Variants in DIO1 observed in about 807,000 individuals in gnomAD.
The protein encoded by DIO1 is iodothyronine deiodinase 1.
DIO1 carries 17 observed loss-of-function variants against 25.9 expected under a neutral mutation model. That is an observed-to-expected ratio of 0.66 (90% CI 0.45 to 0.98). The LOEUF is 0.98. Among genes scored for constraint, DIO1 ranks in the 50% least tolerant of loss-of-function variants. DIO1 has a pLI of 0.00. For missense variants in DIO1, 270 were observed against 310.4 expected (o/e 0.87, Z 0.98); for synonymous variants, 115 against 114.0 (o/e 1.01, Z -0.05).
intron 1 of DIO1, among the ~76,000 whole-genome samples, chr1:53,903,506 A>C (rs1651481390): frequency 6.6e-6 from 1 of 151,756 alleles, no homozygotes; most frequent in South Asian, 2.1e-4. Flanking sequence ...ATAGCAACTA[A>C]AAGACACGAT....
chr1:53,904,811 T>C lies in DIO1; in HGVS notation c.481+2T>C, dbSNP rs1651565138. ...ACATTGAAGAAGCACATGCATCAGG[T>C]ACAGAAAGATTCTCTGCCTCTTCTA... On this transcript the variant is annotated splice_donor_variant, in intron 2 of 3. Transcript: ENST00000361921. LOFTEE classifies it high-confidence loss of function. 10 of 1,609,478 alleles carry C rather than the reference T, an allele frequency of 6.2e-6. No homozygotes were observed. The highest frequency in any genetic ancestry group is 8.5e-6 in the Non-Finnish European group (10 of 1,178,158).
chr1:53,904,821 T>G lies in DIO1; in HGVS notation c.481+12T>G, dbSNP rs373695562. On this transcript the variant is annotated intron_variant, in intron 2 of 3. Transcript: ENST00000361921. ...AGCACATGCATCAGGTACAGAAAGATTCTCTGCCTCTTCTACCTCTTCCCA... is the reference window on the plus strand; with the variant it reads ...AGCACATGCATCAGGTACAGAAAGAGTCTCTGCCTCTTCTACCTCTTCCCA... 6.2e-6 allele frequency: 10 copies of G among 1,607,110 alleles called. No individual in the cohort carries two copies. The African/African-American group carries it at 1.3e-4, about 22-fold the overall frequency.
At chr1:53,900,255 C>T (rs1054262320) in intron 1 of DIO1, among the ~76,000 whole-genome samples, 17 of 152,260 alleles carry the variant, frequency 1.1e-4, no homozygotes, top group African/African-American at 4.1e-4. Flanking sequence ...GGACCTATGG[C>T]CTGTGTGTAT....
At chr1:53,900,634 T>G (rs1299338701) in intron 1 of DIO1, among the ~76,000 whole-genome samples, 1 of 152,106 alleles carries the variant, frequency 6.6e-6, no homozygotes, top group African/African-American at 2.4e-5. Flanking sequence ...TTCCATTTAA[T>G]GTGTTAGTAT....
intron 1 of DIO1, among the ~76,000 whole-genome samples, chr1:53,903,432 G>A (rs891465026): frequency 6.6e-6 from 1 of 151,778 alleles, no homozygotes; most frequent in African/African-American, 2.4e-5. Flanking sequence ...CGGTCTCTGG[G>A]GTGCTGGGTA....
chr1:53,905,383 C>T (rs760183277), intron 2 of DIO1, among the ~76,000 whole-genome samples: 7 of 152,014 alleles, frequency 4.6e-5, no homozygotes, highest in Non-Finnish European at 7.4e-5. Context: ...CCATGTTACT[C>T]GGGCTGGTCT....
At chr1:53,899,827 C>T (rs1307263651) in intron 1 of DIO1, among the ~76,000 whole-genome samples, 1 of 152,092 alleles carries the variant, frequency 6.6e-6, no homozygotes, top group East Asian at 1.9e-4. Context: ...ACATGTGTCA[C>T]CACGCCTGGA....
chr1:53,898,744 CAAAAA>C lies in DIO1; in HGVS notation c.337+4212_337+4216del, dbSNP rs60469690. On this transcript the variant is annotated intron_variant, in intron 1 of 3. Coordinates refer to ENST00000361921, the MANE Select transcript of DIO1 (RefSeq NM_000792.7). ...TGGGCAACAAAGCGAGACTCTGTCT[CAAAAA>C]AAAAAAAAAAAAAAGAGACATGTTG... Among the ~76,000 whole-genome samples, 81 of 106,602 alleles carry C rather than the reference CAAAAA, an allele frequency of 7.6e-4. No homozygotes were observed. The South Asian group carries it at 0.018, about 23-fold the overall frequency. The allele number at this position is 106,602 out of a possible 152,430, so 69.9% of individuals were successfully genotyped here.
rs1651880147 is a variant in DIO1, at chr1:53,910,277, A to T, written c.*278A>T. 1 of 429,894 alleles carries T rather than the reference A, an allele frequency of 2.3e-6. No individual in the cohort carries two copies. The highest frequency in any genetic ancestry group is 4.3e-6 in the Non-Finnish European group (1 of 232,232). The allele number at this position is 429,894 out of a possible 1,614,324, so 26.6% of individuals were successfully genotyped here. ...TCCCTGTTGAAGAAAGTAGAGCCTGACACTGCTCCCACTTTGGAGACCACA... is the reference window on the plus strand; with the variant it reads ...TCCCTGTTGAAGAAAGTAGAGCCTGTCACTGCTCCCACTTTGGAGACCACA... On this transcript the variant is annotated 3_prime_UTR_variant, in exon 4 of 4. Coordinates refer to ENST00000361921, the MANE Select transcript of DIO1 (RefSeq NM_000792.7).
rs1245796042 is a variant in DIO1, at chr1:53,894,835, CCT to C, written c.337+293_337+294del. 1.3e-5 allele frequency among the ~76,000 whole-genome samples: 2 copies of C among 152,306 alleles called. No homozygotes were observed. Among genetic ancestry groups the C allele is most frequent in the East Asian group, 3.9e-4 (2 of 5,180 alleles). On this transcript the variant is annotated intron_variant, in intron 1 of 3. Coordinates refer to ENST00000361921, the MANE Select transcript of DIO1 (RefSeq NM_000792.7). This position sits in a 1 kb window ranked among gnomAD's most constrained non-coding sequence, Gnocchi z 4.9. ...ATCTGCCTGGGCTGCTCTTTGCCCA[CCT>C]CTCTGCCTGGTTAACTCTTGTTCAA... is the stretch of plus-strand genomic sequence containing the variant.
intron 1 of DIO1, among the ~76,000 whole-genome samples, chr1:53,898,668 C>G (rs1456509720): frequency 6.7e-6 from 1 of 150,032 alleles, no homozygotes; most frequent in Non-Finnish European, 1.5e-5. Context: ...TTGCTTGAAC[C>G]CGGGAGGTGG....
chr1:53,904,814 A>G lies in DIO1; in HGVS notation c.481+5A>G, dbSNP rs1651565351. ...TTGAAGAAGCACATGCATCAGGTAC[A>G]GAAAGATTCTCTGCCTCTTCTACCT... On this transcript the variant is annotated splice_donor_5th_base_variant and intron_variant, in intron 2 of 3. Coordinates refer to ENST00000361921, the MANE Select transcript of DIO1 (RefSeq NM_000792.7). The G allele has an allele frequency of 6.2e-7, 1 of 1,608,722 alleles. No individual in the cohort carries two copies. The highest frequency in any genetic ancestry group is 1.3e-5 in the African/African-American group (1 of 74,678).
chr1:53,906,163 G>T lies in DIO1; in HGVS notation c.550G>T (p.Ala184Ser), dbSNP rs1326422069. The T allele has an allele frequency of 4.3e-6, 7 of 1,614,210 alleles. No homozygotes were observed. The South Asian group carries it at 7.7e-5, about 18-fold the overall frequency. ...GAACCTTCAGGATCGCCTGCAGGCA[G>T]CCCATCTACTGCTGGCCAGGAGCCC... ...HQNLQDRLQAAHLLLARSPQC... is the reference protein window; with the variant it reads ...HQNLQDRLQASHLLLARSPQC... The change falls in exon 3 of 4, where the codon GCC (alanine) becomes TCC (serine). Residue 184 changes from alanine to serine, a missense_variant. Physicochemically the swap from Ala to Ser is moderately conservative, Grantham distance 99 (BLOSUM62 1). Coordinates refer to ENST00000361921, the MANE Select transcript of DIO1 (RefSeq NM_000792.7).
Position 53,910,071 on chromosome 1 carries a change from G to A in DIO1, c.*72G>A. 1 of 1,411,220 alleles carries A rather than the reference G, an allele frequency of 7.1e-7. No individual in the cohort carries two copies. The highest frequency in any genetic ancestry group is 1.2e-5 in the South Asian group (1 of 86,860). 87.4% of individuals were successfully genotyped at this position (1,411,220 alleles called of 1,614,324 possible). A position where few individuals can be genotyped will look rare whatever the true frequency, so the allele number is the denominator to read the frequency against. ...AAGGCTTAGCTCTCCCTGAGACCCA[G>A]CTGGCTTTTACCCTTGACCTGTGTC... On this transcript the variant is annotated 3_prime_UTR_variant, in exon 4 of 4. Coordinates refer to ENST00000361921, the MANE Select transcript of DIO1 (RefSeq NM_000792.7).
chr1:53,911,080 C>A lies in DIO1; in HGVS notation c.*1081C>A, dbSNP rs1354083194. The A allele has an allele frequency of 2.0e-5, 3 of 152,582 alleles. No individual in the cohort carries two copies. In the East Asian group the frequency reaches 5.8e-4, roughly 29 times the overall value. The allele number at this position is 152,582 out of a possible 1,614,324, so 9.5% of individuals were successfully genotyped here. The stretch of plus-strand genomic sequence containing the variant: ...TAATAACAGAATTATTAAAATATAT[C>A]AGGCTATTTTGGATGGCTTCCGTGT... On this transcript the variant is annotated 3_prime_UTR_variant, in exon 4 of 4. Transcript: ENST00000361921.
chr1:53,910,621 G>T lies in DIO1; in HGVS notation c.*622G>T, dbSNP rs1651900431. 1 of 153,090 alleles carries T rather than the reference G, an allele frequency of 6.5e-6. No homozygotes were observed. The highest frequency in any genetic ancestry group is 6.5e-5 in the Admixed American group (1 of 15,452). The allele number at this position is 153,090 out of a possible 1,614,324, so 9.5% of individuals were successfully genotyped here. ...CTGTCCACATTGGTGGTGATGATGGGTGAGTTTCCATGGTAACACATCCCT... is the reference window on the plus strand; with the variant it reads ...CTGTCCACATTGGTGGTGATGATGGTTGAGTTTCCATGGTAACACATCCCT... On this transcript the variant is annotated 3_prime_UTR_variant, in exon 4 of 4. Transcript: ENST00000361921.
chr1:53,902,929 G>A (rs1432990891), intron 1 of DIO1: 1 of 151,694 alleles, frequency 6.6e-6, no homozygotes, highest in Non-Finnish European at 1.5e-5. Context: ...CATTTTGTAA[G>A]TGAAACCCTA....
chr1:53,895,283 C>T (rs918569080), intron 1 of DIO1, among the ~76,000 whole-genome samples: 9 of 152,112 alleles, frequency 5.9e-5, no homozygotes, highest in East Asian at 1.9e-4. Context: ...ATTAGCCAGG[C>T]GTGGTGGTGT....
chr1:53,898,930 G>A lies in DIO1; in HGVS notation c.337+4383G>A, dbSNP rs150790309. The stretch of plus-strand genomic sequence containing the variant: ...TTTTGAGATGCAAAAGTCCAGAGAG[G>A]TGAATGACTCGCTTAGAGTCACACA... On this transcript the variant is annotated intron_variant, in intron 1 of 3. Transcript: ENST00000361921. Among the ~76,000 whole-genome samples the A allele has an allele frequency of 4.6e-3, 702 of 152,184 alleles. 7 individuals are homozygous for A. Among genetic ancestry groups the A allele is most frequent in the African/African-American group, 0.016 (683 of 41,514 alleles).
Sources: gnomAD v4.1 joint callset for allele counts (sites outside exome capture counted in the v4.1 genomes callset) on GRCh38, gnomAD v4.1.1 for gene constraint, Gnocchi (gnomAD v3.1) non-coding constraint, MANE v1.5 for transcripts, NCBI Gene and HGNC (gene_info 2026-07-23, HGNC 2026-07-21) for gene names.